The following TLCD4 variants were observed in gnomAD, a reference collection of about 807,000 sequenced individuals.
TLCD4 encodes TLC domain containing 4, also known as TLC domain-containing protein 4.
Under a neutral mutation model 24.2 loss-of-function variants are expected in TLCD4, and 7 were observed. That is an observed-to-expected ratio of 0.29 (90% CI 0.16 to 0.54). The LOEUF (loss-of-function observed/expected upper bound fraction) is 0.54, where lower values mean the gene tolerates loss of function less well. TLCD4 is among the 20% of genes least tolerant of loss of function. The pLI, the probability that TLCD4 is intolerant of heterozygous loss-of-function variation, is 0.95. For missense variants in TLCD4, 259 were observed against 313.9 expected (o/e 0.82, Z 1.32); for synonymous variants, 103 against 106.4 (o/e 0.97, Z 0.20).
chr1:95,110,991 T>C, the TLCD4 span, among the ~76,000 whole-genome samples: 1 of 148,766 alleles, frequency 6.7e-6, no homozygotes, highest in Admixed American at 6.7e-5. Flanking sequence ...TTAAAAACGT[T>C]AGAGATTTAT....
chr1:95,148,841 T>A (rs1317804102), intron 3 of TLCD4, 50 bp downstream of exon 3: 1 of 1,593,906 alleles, frequency 6.3e-7, no homozygotes, highest in Non-Finnish European at 8.5e-7. Flanking sequence ...TGTTTTGATA[T>A]TAATTATTTA....
At chr1:95,117,678 C>T (rs1676463670) in intron 1 of TLCD4, 61 bp downstream of exon 1, 1 of 151,858 alleles carries the variant, frequency 6.6e-6, no homozygotes, top group South Asian at 2.1e-4. Flanking sequence ...CCGCGGCTCC[C>T]CCGCGCCAGC....
intron 1 of TLCD4, among the ~76,000 whole-genome samples, chr1:95,134,119 TA>T (rs2100920772): frequency 6.6e-6 from 1 of 152,058 alleles, no homozygotes; most frequent in Admixed American, 6.5e-5. Context: ...AAACGATGTA[TA>T]GGGGACAATA....
chr1:95,154,991 C>G (rs1347418412), intron 5 of TLCD4, among the ~76,000 whole-genome samples: 2 of 151,596 alleles, frequency 1.3e-5, no homozygotes, highest in Non-Finnish European at 2.9e-5. Flanking sequence ...TTATTTCCTA[C>G]CAACATATAG....
chr1:95,173,853 T>C lies in TLCD4; in HGVS notation c.437T>C (p.Leu146Pro), dbSNP rs1484898434. The change falls in exon 6 of 7, where the codon CTG becomes CCG. Residue 146 changes from leucine (L) to proline (P), a missense_variant. Transcript: ENST00000370203. ...GVLAYIGNFRLLAELSSPFVN... is the reference protein window; with the variant it reads ...GVLAYIGNFRPLAELSSPFVN... ...CTGGCATACATTGGGAATTTTCGCC[T>C]GCTTGCAGAGCTTTCCAGCCCGTTT... is the stretch of plus-strand genomic sequence containing the variant. 6.2e-7 allele frequency: 1 copy of C among 1,614,092 alleles called. No individual in the cohort carries two copies. Among genetic ancestry groups the C allele is most frequent in the Non-Finnish European group, 8.5e-7 (1 of 1,180,042 alleles).
intron 5 of TLCD4, among the ~76,000 whole-genome samples, chr1:95,166,085 A>C (rs985382816): frequency 2.6e-5 from 4 of 152,236 alleles, no homozygotes; most frequent in Non-Finnish European, 5.9e-5. Context: ...TAGGACAGGC[A>C]GGTGGAAATC....
intron 6 of TLCD4, among the ~76,000 whole-genome samples, chr1:95,181,909 G>A (rs1678659509): frequency 6.6e-6 from 1 of 152,036 alleles, no homozygotes; most frequent in Admixed American, 6.6e-5. Flanking sequence ...GTGAGCCACC[G>A]CACCTGGCAG....
At chr1:95,138,514 A>T (rs1223440592) in intron 1 of TLCD4, 1 of 152,204 alleles carries the variant, frequency 6.6e-6, no homozygotes, top group Non-Finnish European at 1.5e-5. Flanking sequence ...TGAACATCAT[A>T]GAGTGCACTT....
chr1:95,180,792 C>A (rs1388297289), intron 6 of TLCD4, among the ~76,000 whole-genome samples: 1 of 152,190 alleles, frequency 6.6e-6, no homozygotes, highest in Admixed American at 6.5e-5. Context: ...TATGTTCATT[C>A]AATATTTATT....
upstream of TLCD4, among the ~76,000 whole-genome samples, chr1:95,112,509 G>T (rs72720300): frequency 0.027 from 4,162 of 152,202 alleles, 80 homozygotes; most frequent in East Asian, 0.058. Context: ...CAGACTACTA[G>T]GGAAAATGGA....
chr1:95,162,800 TCTTTA>T (rs1677862776), intron 5 of TLCD4, among the ~76,000 whole-genome samples: 1 of 152,246 alleles, frequency 6.6e-6, no homozygotes, highest in African/African-American at 2.4e-5. Context: ...GATTGAAAGT[TCTTTA>T]CTTTAAGAAT....
At chr1:95,181,611 T>TTATTTA (rs1678646604) in intron 6 of TLCD4, among the ~76,000 whole-genome samples, 3 of 109,432 alleles carry the variant, frequency 2.7e-5, no homozygotes, top group East Asian at 2.6e-4. Context: ...TTATTTTTTT[T>TTATTTA]TTTGAGATGG....
intron 1 of TLCD4, among the ~76,000 whole-genome samples, chr1:95,129,414 G>T (rs529750319): frequency 2.7e-4 from 41 of 152,292 alleles, no homozygotes; most frequent in Non-Finnish European, 3.7e-4. Flanking sequence ...GCAATTCCTT[G>T]TTAAACCTTA....
intron 1 of TLCD4, among the ~76,000 whole-genome samples, chr1:95,138,930 G>C (rs1677119805): frequency 6.6e-6 from 1 of 150,614 alleles, no homozygotes; most frequent in Non-Finnish European, 1.5e-5. Context: ...GCTCATACCT[G>C]TAATCCCAGT....
chr1:95,139,249 GCAGGA>G (rs1677132698), intron 1 of TLCD4, among the ~76,000 whole-genome samples: 1 of 150,926 alleles, frequency 6.6e-6, no homozygotes, highest in Admixed American at 6.6e-5. Context: ...AATGGAGCTT[GCAGGA>G]CTAGAAGTTG....
the TLCD4 span, among the ~76,000 whole-genome samples, chr1:95,102,011 T>C: frequency 3.9e-5 from 6 of 152,112 alleles, no homozygotes; most frequent in East Asian, 1.2e-3. Context: ...ATTTAGTTAA[T>C]AGGCAATAAA....
At chr1:95,164,688 C>T (rs1317308323) in intron 5 of TLCD4, 1 of 149,630 alleles carries the variant, frequency 6.7e-6, no homozygotes, top group Non-Finnish European at 1.5e-5. Context: ...TTTTCTTCTA[C>T]TTCTCTAACT....
chr1:95,095,824 ACAC>A, the TLCD4 span, among the ~76,000 whole-genome samples: 2 of 152,382 alleles, frequency 1.3e-5, no homozygotes, highest in African/African-American at 4.8e-5. Flanking sequence ...TGGAATATTC[ACAC>A]CACATGATAT....
the TLCD4 span, among the ~76,000 whole-genome samples, chr1:95,098,211 C>T: frequency 6.6e-6 from 1 of 152,104 alleles, no homozygotes; most frequent in Non-Finnish European, 1.5e-5. Flanking sequence ...GTCATAATAA[C>T]TGGTGGTTTT....
Sources: allele counts gnomAD v4.1 joint callset (sites outside exome capture counted in the v4.1 genomes callset), GRCh38; gene constraint gnomAD v4.1.1; transcripts MANE v1.5; gene names NCBI Gene and HGNC (gene_info 2026-07-23, HGNC 2026-07-21).